Variants in CRIM1 observed in about 807,000 individuals in gnomAD.
CRIM1 encodes cysteine rich transmembrane BMP regulator 1.
Under a neutral mutation model 116.4 loss-of-function variants are expected in CRIM1, and 32 were observed. That is an observed-to-expected ratio of 0.27 (90% confidence interval 0.21 to 0.37). The LOEUF is 0.37. Ranked by LOEUF, CRIM1 falls within the 10% of genes least tolerant of loss-of-function variation. CRIM1 has a pLI of 1.00. For missense variants in CRIM1, 1,331 were observed against 1,354.8 expected (o/e 0.98, Z 0.28); for synonymous variants, 590 against 509.2 (o/e 1.16, Z -2.13).
At chr2:36,373,081 C>T (rs1472866422) in intron 1 of CRIM1, among the ~76,000 whole-genome samples, 1 of 152,172 alleles carries the variant, frequency 6.6e-6, no homozygotes, top group Non-Finnish European at 1.5e-5. Flanking sequence ...TTCTCTAAGA[C>T]TTTATCAGCA....
In CRIM1 at chr2:36,385,768, T is replaced by C. The variant is rs145064563; in HGVS notation, c.332-10846T>C. On this transcript the variant is annotated intron_variant, in intron 1 of 16. Coordinates refer to ENST00000280527, the MANE Select transcript of CRIM1 (RefSeq NM_016441.3). ...TTTCCTGTTTCTTCAGCTCCTCATG[T>C]CCCCTGCTGGGTGACAGCCTATATG... Among the ~76,000 whole-genome samples, 955 of 152,260 alleles carry C rather than the reference T, an allele frequency of 6.3e-3. 11 individuals carry two copies. The highest frequency in any genetic ancestry group is 0.022 in the African/African-American group (907 of 41,528).
At chr2:36,432,908 G>A (rs1213397043) in intron 2 of CRIM1, among the ~76,000 whole-genome samples, 1 of 151,984 alleles carries the variant, frequency 6.6e-6, no homozygotes, top group Non-Finnish European at 1.5e-5. Context: ...GTTTTTAATG[G>A]GCAGCCGAGG....
At chr2:36,367,511 A>G (rs1669677773) in intron 1 of CRIM1, among the ~76,000 whole-genome samples, 1 of 152,342 alleles carries the variant, frequency 6.6e-6, no homozygotes, top group South Asian at 2.1e-4. Context: ...TCAAAAGGGA[A>G]TTAAATAGTT....
At chr2:36,497,527 G>A (rs1680684789) in intron 7 of CRIM1, among the ~76,000 whole-genome samples, 3 of 152,124 alleles carry the variant, frequency 2.0e-5, no homozygotes, top group Admixed American at 1.3e-4. Context: ...GCAGCAATAC[G>A]CTAACTCAGG....
rs999521241 is a variant in CRIM1 at position 36,357,548 on chromosome 2, G to C, written c.331+925G>C. On this transcript the variant is annotated intron_variant, in intron 1 of 16. Coordinates refer to ENST00000280527, the MANE Select transcript of CRIM1 (RefSeq NM_016441.3). ...TGCGTGTTGGCTTTAATCCCTGCCC[G>C]CTTGCGTCGGCCTTCAGGGTGCCTG... Among the ~76,000 whole-genome samples the C allele has an allele frequency of 2.0e-5, 3 of 152,188 alleles. No homozygotes were observed. In the South Asian group the frequency reaches 6.2e-4, roughly 32 times the overall value.
chr2:36,474,337 C>G (rs979677816), intron 5 of CRIM1, among the ~76,000 whole-genome samples: 1 of 151,994 alleles, frequency 6.6e-6, no homozygotes, highest in African/African-American at 2.4e-5. Context: ...TCCAGTTTAT[C>G]TGTTTTGTTC....
chr2:36,379,323 C>T (rs1670553948), intron 1 of CRIM1: 1 of 152,154 alleles, frequency 6.6e-6, no homozygotes, highest in African/African-American at 2.4e-5. Context: ...AAATGCTTTC[C>T]TTCTTTCTCA....
At chr2:36,509,498 G>A (rs1231204878) in intron 8 of CRIM1, among the ~76,000 whole-genome samples, 2 of 152,188 alleles carry the variant, frequency 1.3e-5, no homozygotes, top group East Asian at 3.8e-4. Context: ...CTGTACTCCA[G>A]TCTAAATGAC....
intron 12 of CRIM1, among the ~76,000 whole-genome samples, chr2:36,520,313 T>C (rs757548333): frequency 1.3e-5 from 2 of 152,192 alleles, no homozygotes; most frequent in Non-Finnish European, 2.9e-5. Context: ...TAGACAGAGG[T>C]TGGGCAATGC....
At chr2:36,442,071 A>G (rs1249537706) in intron 3 of CRIM1, among the ~76,000 whole-genome samples, 3 of 152,020 alleles carry the variant, frequency 2.0e-5, no homozygotes, top group African/African-American at 4.8e-5. Context: ...CCAACATTTG[A>G]TGTACTGTTG....
chr2:36,451,018 A>G (rs1676677711), intron 4 of CRIM1, among the ~76,000 whole-genome samples: 1 of 152,202 alleles, frequency 6.6e-6, no homozygotes. Flanking sequence ...CCTTCCCTTC[A>G]GAAGCACTTG....
chr2:36,407,735 AAATATC>A (rs1437146649), intron 2 of CRIM1, among the ~76,000 whole-genome samples: 1 of 151,816 alleles, frequency 6.6e-6, no homozygotes, highest in Non-Finnish European at 1.5e-5. Context: ...AGTCACGATT[AAATATC>A]TTATGTCCAG....
intron 1 of CRIM1, among the ~76,000 whole-genome samples, chr2:36,368,648 T>G (rs1416963819): frequency 2.0e-5 from 3 of 152,206 alleles, no homozygotes; most frequent in African/African-American, 7.2e-5. Context: ...ATTTATTCAT[T>G]AATAAGTCTG....
chr2:36,365,730 G>GTT (rs1194166326), intron 1 of CRIM1, among the ~76,000 whole-genome samples: 2 of 137,742 alleles, frequency 1.5e-5, no homozygotes, highest in South Asian at 2.4e-4. Flanking sequence ...TATGAACTAT[G>GTT]TTTGTGTTTT....
intron 2 of CRIM1, among the ~76,000 whole-genome samples, chr2:36,434,902 C>CT (rs1203563670): frequency 2.0e-5 from 3 of 152,146 alleles, no homozygotes; most frequent in Non-Finnish European, 4.4e-5. Context: ...TTTCTCCCTT[C>CT]TTTCATGCAA....
intron 7 of CRIM1, among the ~76,000 whole-genome samples, chr2:36,489,889 TG>T (rs1379436500): frequency 6.6e-6 from 1 of 152,136 alleles, no homozygotes; most frequent in Non-Finnish European, 1.5e-5. Context: ...TCTGTTCTCT[TG>T]GAGACATCAT....
chr2:36,467,564 G>A (rs1373340024), intron 5 of CRIM1, among the ~76,000 whole-genome samples: 1 of 152,104 alleles, frequency 6.6e-6, no homozygotes, highest in East Asian at 1.9e-4. Context: ...AAAACCACTC[G>A]CTTATACACA....
chr2:36,522,963 T>A (rs1003076913), intron 13 of CRIM1, among the ~76,000 whole-genome samples: 1 of 151,888 alleles, frequency 6.6e-6, no homozygotes, highest in African/African-American at 2.4e-5. Flanking sequence ...TGGTTTTTTT[T>A]TTCTTTTTTT....
intron 13 of CRIM1, chr2:36,529,259 C>G: frequency 2.1e-6 from 1 of 468,668 alleles, no homozygotes; most frequent in Non-Finnish European, 4.4e-6. Context: ...CTGGCAGAGT[C>G]TTCTTAACAG....
Sources: allele counts gnomAD v4.1 joint callset (sites outside exome capture counted in the v4.1 genomes callset), GRCh38; gene constraint gnomAD v4.1.1; transcripts MANE v1.5; gene names NCBI Gene and HGNC (gene_info 2026-07-23, HGNC 2026-07-21).